The following MACROD2 variants were observed in gnomAD, a reference collection of about 807,000 sequenced individuals.
The protein encoded by MACROD2 is mono-ADP ribosylhydrolase 2, also known as ADP-ribose glycohydrolase MACROD2.
In MACROD2, 36 loss-of-function variants were observed where a neutral mutation model predicts 70.4. That is an observed-to-expected ratio of 0.51 (90% CI 0.39 to 0.68). MACROD2 has a LOEUF of 0.68. Among genes scored for constraint, MACROD2 ranks in the 30% least tolerant of loss-of-function variants. The probability of loss-of-function intolerance (pLI) is 0.00; values close to 1 mark genes in which losing one functional copy is unlikely to be tolerated. For synonymous variants in MACROD2, 172 were observed against 178.8 expected (o/e 0.96, Z 0.30); for missense variants, 496 against 538.4 (o/e 0.92, Z 0.78).
intron 5 of MACROD2, among the ~76,000 whole-genome samples, chr20:15,171,378 C>G (rs2076421036): frequency 6.6e-6 from 1 of 151,284 alleles, no homozygotes; most frequent in Non-Finnish European, 1.5e-5. Flanking sequence ...CCTTCCCCCA[C>G]CTTTCTCCTT....
At chr20:15,322,866 A>G (rs901823097) in intron 6 of MACROD2, among the ~76,000 whole-genome samples, 1 of 144,134 alleles carries the variant, frequency 6.9e-6, no homozygotes, top group Non-Finnish European at 1.6e-5. Context: ...CCATGAATCC[A>G]TGAATCCATA....
At chr20:14,218,716 T>C (rs1203759449) in intron 3 of MACROD2, among the ~76,000 whole-genome samples, 1 of 152,212 alleles carries the variant, frequency 6.6e-6, no homozygotes, top group Non-Finnish European at 1.5e-5. Context: ...GCAGTTCTTG[T>C]AGTGGTGGCT....
At chr20:14,065,845 A>G (rs946814691) in intron 2 of MACROD2, among the ~76,000 whole-genome samples, 6 of 152,192 alleles carry the variant, frequency 3.9e-5, no homozygotes, top group Non-Finnish European at 5.9e-5. Context: ...TAGCTATAAC[A>G]CAAACAGAGA....
At chr20:15,418,721 C>T (rs376306664) in intron 6 of MACROD2, among the ~76,000 whole-genome samples, 5 of 152,208 alleles carry the variant, frequency 3.3e-5, no homozygotes, top group Admixed American at 6.5e-5. Flanking sequence ...GCACTGGACA[C>T]GTGAAAGACA....
At position 14,744,227 on chromosome 20, in the gene MACROD2, C is replaced by T. The variant is rs150352752; in HGVS notation, c.418+59268C>T. Among the ~76,000 whole-genome samples the T allele has an allele frequency of 6.6e-5, 10 of 152,244 alleles. No homozygotes were observed. The East Asian group carries it at 1.7e-3, about 26-fold the overall frequency. On this transcript the variant is annotated intron_variant, in intron 5 of 17. Transcript: ENST00000684519. ...TGAGGTATATATATGCAAGAGGCTG[C>T]ATGGGCATAGGATGGATTTTTGATT...
chr20:14,873,121 C>T (rs2073508822), intron 5 of MACROD2, among the ~76,000 whole-genome samples: 1 of 152,082 alleles, frequency 6.6e-6, no homozygotes, highest in African/African-American at 2.4e-5. Context: ...ATCACAAAAA[C>T]TCTAAGAAAG....
chr20:15,456,364 C>G (rs141042195), intron 7 of MACROD2, among the ~76,000 whole-genome samples: 1 of 152,174 alleles, frequency 6.6e-6, no homozygotes, highest in African/African-American at 2.4e-5. Context: ...GAGTTCTCTT[C>G]TGCTGATCAT....
chr20:14,918,641 T>G (rs1236427663), intron 5 of MACROD2, among the ~76,000 whole-genome samples: 1 of 151,490 alleles, frequency 6.6e-6, no homozygotes, highest in Non-Finnish European at 1.5e-5. Context: ...TTCTGGAGTT[T>G]ATTAGCAAAT....
At chr20:14,975,149 G>T (rs1026692880) in intron 5 of MACROD2, among the ~76,000 whole-genome samples, 1 of 151,980 alleles carries the variant, frequency 6.6e-6, no homozygotes, top group South Asian at 2.1e-4. Context: ...TCTAGGCATC[G>T]CAAATATCCA....
chr20:15,646,432 C>G (rs917202557), intron 8 of MACROD2, among the ~76,000 whole-genome samples: 3 of 152,156 alleles, frequency 2.0e-5, no homozygotes, highest in African/African-American at 7.2e-5. Context: ...TATTTTAGTT[C>G]CTTTAATCCT....
chr20:15,161,117 G>C (rs1301104510), intron 5 of MACROD2, among the ~76,000 whole-genome samples: 1 of 151,974 alleles, frequency 6.6e-6, no homozygotes, highest in Non-Finnish European at 1.5e-5. Flanking sequence ...GGACATGTCA[G>C]TTCACCTCTC....
intron 3 of MACROD2, among the ~76,000 whole-genome samples, chr20:14,273,283 T>C (rs1247224199): frequency 6.6e-6 from 1 of 152,066 alleles, no homozygotes; most frequent in Non-Finnish European, 1.5e-5. Context: ...ACAGAAATTA[T>C]AACAAACTGT....
chr20:15,997,860 T>C (rs906365621), intron 15 of MACROD2, among the ~76,000 whole-genome samples: 26 of 152,252 alleles, frequency 1.7e-4, no homozygotes, highest in African/African-American at 6.3e-4. Flanking sequence ...TTGGAGTACA[T>C]TCCTCTTACA....
chr20:15,941,769 G>C (rs989224550), intron 12 of MACROD2, among the ~76,000 whole-genome samples: 3 of 152,144 alleles, frequency 2.0e-5, no homozygotes, highest in African/African-American at 7.2e-5. Flanking sequence ...TTCAGACTTT[G>C]ATCCTGACCA....
intron 2 of MACROD2, among the ~76,000 whole-genome samples, chr20:14,043,739 G>T (rs1054166478): frequency 2.6e-5 from 4 of 152,116 alleles, no homozygotes; most frequent in Non-Finnish European, 4.4e-5. Flanking sequence ...TTTCTTTATG[G>T]GCAGCTTCAA....
rs779346527 is a variant in MACROD2 at position 14,326,524 on chromosome 20, T to C, written c.272-166955T>C. 11 of 1,613,808 alleles carry C rather than the reference T, an allele frequency of 6.8e-6. No individual in the cohort carries two copies. The highest frequency in any genetic ancestry group is 4.0e-5 in the African/African-American group (3 of 74,908). ...GGCTTGGCACATGAGCCCACGCACGTTGACCTTCACAGGTAGTGATTGTAA... is the reference window on the plus strand; with the variant it reads ...GGCTTGGCACATGAGCCCACGCACGCTGACCTTCACAGGTAGTGATTGTAA... On this transcript the variant is annotated intron_variant, in intron 3 of 17. Coordinates refer to ENST00000684519, the MANE Select transcript of MACROD2 (RefSeq NM_001351661.2). The surrounding 1 kb of genome is among the most constrained non-coding windows in gnomAD (Gnocchi z 5.5).
At chr20:15,927,462 C>T (rs765063370) in intron 10 of MACROD2, among the ~76,000 whole-genome samples, 1 of 152,194 alleles carries the variant, frequency 6.6e-6, no homozygotes, top group Non-Finnish European at 1.5e-5. Flanking sequence ...AGCTCTGCCA[C>T]GAACTGTGTG....
At chr20:14,247,185 C>G (rs1015228383) in intron 3 of MACROD2, among the ~76,000 whole-genome samples, 5 of 152,068 alleles carry the variant, frequency 3.3e-5, no homozygotes, top group African/African-American at 4.8e-5. Flanking sequence ...AATAGAGAAG[C>G]AAATCTACAG....
chr20:15,435,843 G>T (rs2046421186), intron 7 of MACROD2, among the ~76,000 whole-genome samples: 2 of 152,110 alleles, frequency 1.3e-5, no homozygotes, highest in Non-Finnish European at 2.9e-5. Flanking sequence ...AGTGAAGATT[G>T]TCAGGCATGG....
Sources: gnomAD v4.1 joint callset for allele counts (sites outside exome capture counted in the v4.1 genomes callset) on GRCh38, gnomAD v4.1.1 for gene constraint, Gnocchi (gnomAD v3.1) non-coding constraint, MANE v1.5 for transcripts, NCBI Gene and HGNC (gene_info 2026-07-23, HGNC 2026-07-21) for gene names.